Variants in ZFC3H1 observed in about 807,000 individuals in gnomAD.
ZFC3H1 encodes zinc finger C3H1-type containing.
ZFC3H1 carries 71 observed loss-of-function variants against 243.7 expected under a neutral mutation model. That is an observed-to-expected ratio of 0.29 (90% CI 0.24 to 0.36). The LOEUF is 0.36. Among genes scored for constraint, ZFC3H1 ranks in the 10% least tolerant of loss-of-function variants. ZFC3H1 has a pLI of 1.00. For synonymous variants in ZFC3H1, 838 were observed against 813.0 expected, an observed-to-expected ratio of 1.03 and a Z score of -0.52; for missense variants, 1,966 against 2,317.1, an observed-to-expected ratio of 0.85 and a Z score of 3.11.
intron 18 of ZFC3H1, among the ~76,000 whole-genome samples, 162 bp from the exon 19 acceptor site, chr12:71,629,872 T>A (rs952308878): frequency 6.6e-6 from 1 of 151,786 alleles, no homozygotes; most frequent in Non-Finnish European, 1.5e-5. Flanking sequence ...TTATCTTAAC[T>A]ACTATGGCAA....
At position 71,610,376 on chromosome 12, in the gene ZFC3H1, C is replaced by CA; in HGVS notation, c.*51dup. On this transcript the variant is annotated 3_prime_UTR_variant, in exon 35 of 35. Coordinates refer to ENST00000378743, the MANE Select transcript of ZFC3H1 (RefSeq NM_144982.5). ...ATCAGCCTAATCTTGAAGAATCATT[C>CA]AAATAATTTTGGCAATTATTATAAG... The CA allele has an allele frequency of 6.3e-7, 1 of 1,581,604 alleles. No individual in the cohort carries two copies. The highest frequency in any genetic ancestry group is 8.6e-7 in the Non-Finnish European group (1 of 1,163,028).
At chr12:71,623,245 A>G in intron 24 of ZFC3H1, 115 bp downstream of exon 24, 1 of 882,352 alleles carries the variant, frequency 1.1e-6, no homozygotes. Context: ...AACTTGCAAT[A>G]TAGAGATATA....
rs1383637719 is a variant in ZFC3H1 at position 71,634,710 on chromosome 12, A to G, written c.2354T>C (p.Ile785Thr). The change falls in exon 11 of 35, where the codon ATT becomes ACT. Residue 785 changes from isoleucine to threonine, a missense_variant. Transcript: ENST00000378743. ...KIEYRLLKEE[I>T]ANREKQRLIK... ...TACATAAAATTACACTTACTTGGCA[A>G]TCTCTTCCTTTAACAATCTATATTC... is the stretch of plus-strand genomic sequence containing the variant. 1 of 1,586,946 alleles carries G rather than the reference A, an allele frequency of 6.3e-7. No homozygotes were observed. The highest frequency in any genetic ancestry group is 8.5e-7 in the Non-Finnish European group (1 of 1,171,792).
At chr12:71,636,750 T>C in intron 8 of ZFC3H1, 96 bp from the exon 9 acceptor site, 1 of 1,555,594 alleles carries the variant, frequency 6.4e-7, no homozygotes, top group Non-Finnish European at 8.7e-7. Context: ...ATCCCCACTT[T>C]GCTGAAAAGC....
intron 6 of ZFC3H1, among the ~76,000 whole-genome samples, chr12:71,641,444 T>C (rs1880600819): frequency 6.6e-6 from 1 of 152,236 alleles, no homozygotes; most frequent in Non-Finnish European, 1.5e-5. Context: ...AATACACTGA[T>C]CATGTGTTCT....
chr12:71,617,369 G>C (rs1021262842), intron 27 of ZFC3H1, among the ~76,000 whole-genome samples: 1 of 152,036 alleles, frequency 6.6e-6, no homozygotes, highest in Admixed American at 6.6e-5. Context: ...GCTATAAACA[G>C]GATACCTTTT....
intron 22 of ZFC3H1, 124 bp downstream of exon 22, chr12:71,626,136 T>A: frequency 1.0e-6 from 1 of 960,276 alleles, no homozygotes; most frequent in Admixed American, 2.9e-5. Flanking sequence ...AGTAAGGTTA[T>A]TATGTCTATA....
intron 3 of ZFC3H1, among the ~76,000 whole-genome samples, chr12:71,645,717 G>A (rs924385508): frequency 1.3e-5 from 2 of 152,180 alleles, no homozygotes; most frequent in Non-Finnish European, 2.9e-5. Context: ...CTTCAGGAAA[G>A]CTAAAACAGG....
In ZFC3H1 at chr12:71,632,365, A is replaced by T; in HGVS notation, c.2967T>A (p.Leu989=). The T allele has an allele frequency of 6.2e-7, 1 of 1,613,644 alleles. No homozygotes were observed. The highest frequency in any genetic ancestry group is 8.5e-7 in the Non-Finnish European group (1 of 1,179,846). ...AGATATTTTGTTGTTCCTTTGCTTTAAGGGCACGGGCTTCTTTTAATTTTT... is the reference window on the plus strand; with the variant it reads ...AGATATTTTGTTGTTCCTTTGCTTTTAGGGCACGGGCTTCTTTTAATTTTT... ...KIQKLKEARA[L]KAKEQQNISP... The change falls in exon 15 of 35, where the codon CTT becomes CTA. Residue 989 remains leucine (L), a synonymous_variant. Transcript: ENST00000378743.
At chr12:71,616,968 T>C (rs1565803115) in intron 27 of ZFC3H1, among the ~76,000 whole-genome samples, 1 of 152,140 alleles carries the variant, frequency 6.6e-6, no homozygotes, top group Non-Finnish European at 1.5e-5. Flanking sequence ...CCAAATTAAT[T>C]TTTCTGGCTA....
At chr12:71,630,554 C>T in intron 18 of ZFC3H1, 46 bp downstream of exon 18, 1 of 1,577,652 alleles carries the variant, frequency 6.3e-7, no homozygotes, top group Non-Finnish European at 8.6e-7. Flanking sequence ...TTTAAGTTGC[C>T]TAAATTCAAT....
intron 2 of ZFC3H1, among the ~76,000 whole-genome samples, chr12:71,654,472 A>G (rs557656811): frequency 6.6e-6 from 1 of 152,188 alleles, no homozygotes; most frequent in African/African-American, 2.4e-5. Context: ...ATATTTATAC[A>G]TATATAATTC....
chr12:71,634,207 C>T lies in ZFC3H1; in HGVS notation c.2458G>A (p.Ala820Thr), dbSNP rs375216313. 28 of 1,614,044 alleles carry T rather than the reference C, an allele frequency of 1.7e-5. No homozygotes were observed. Among genetic ancestry groups the T allele is most frequent in the Non-Finnish European group, 2.4e-5 (28 of 1,179,982 alleles). Residue 820 changes from alanine to threonine, a missense_variant, in exon 12 of 35, where the codon GCA becomes ACA. Physicochemically the swap from Ala to Thr is moderately conservative, Grantham distance 58. Transcript: ENST00000378743. ...DVEIDGIGRI[A>T]MVTKQVTDAE... ...TCTGTAACCTGCTTAGTAACCATTG[C>T]TATCCTGCCAATACCATCAATTTCC...
rs12313453 is a variant in ZFC3H1 at position 71,623,742 on chromosome 12, A to G, written c.4507-145T>C. 48 of 642,918 alleles carry G rather than the reference A, an allele frequency of 7.5e-5. No homozygotes were observed. In the African/African-American group the frequency reaches 8.8e-4, roughly 12 times the overall value. The allele number at this position is 642,918 out of a possible 1,614,324, so 39.8% of individuals were successfully genotyped here. ...TAAGTGTCCTGATACTTAAAATCTA[A>G]TAAGACAAAGACAAAACAGTAAAAA... On this transcript the variant is annotated intron_variant, in intron 23 of 34. Transcript: ENST00000378743.
intron 7 of ZFC3H1, 105 bp downstream of exon 7, chr12:71,638,313 C>T (rs1880515701): frequency 9.3e-7 from 1 of 1,076,310 alleles, no homozygotes; most frequent in Non-Finnish European, 1.3e-6. Context: ...TCTTGGTAAG[C>T]AATTCTGATT....
At chr12:71,655,522 TA>T (rs376863652) in intron 2 of ZFC3H1, among the ~76,000 whole-genome samples, 1 of 152,090 alleles carries the variant, frequency 6.6e-6, no homozygotes, top group East Asian at 1.9e-4. Flanking sequence ...ATACTACAGA[TA>T]AAAAAGTAAA....
chr12:71,645,961 T>A (rs1880719723), intron 3 of ZFC3H1, among the ~76,000 whole-genome samples: 2 of 152,196 alleles, frequency 1.3e-5, no homozygotes, highest in African/African-American at 2.4e-5. Context: ...CCCTCTTTTT[T>A]CTTTATGTAT....
chr12:71,633,498 TA>T, intron 12 of ZFC3H1, 60 bp from the exon 13 acceptor site: 5 of 1,400,144 alleles, frequency 3.6e-6, no homozygotes, highest in Non-Finnish European at 4.8e-6. Flanking sequence ...ACTGTCAGAA[TA>T]AAAAAATTTT....
intron 27 of ZFC3H1, among the ~76,000 whole-genome samples, chr12:71,618,189 T>C (rs963918470): frequency 1.3e-4 from 19 of 151,674 alleles, no homozygotes; most frequent in Non-Finnish European, 2.4e-4. Context: ...TGCTTGAACC[T>C]GGGAGACGGA....
Sources: gnomAD v4.1 joint callset for allele counts (sites outside exome capture counted in the v4.1 genomes callset) on GRCh38, gnomAD v4.1.1 for gene constraint, MANE v1.5 for transcripts, NCBI Gene and HGNC (gene_info 2026-07-23, HGNC 2026-07-21) for gene names.